Variants in PTK2 observed in about 807,000 individuals in gnomAD.
The protein encoded by PTK2 is protein tyrosine kinase 2.
Under a neutral mutation model 150.1 loss-of-function variants are expected in PTK2, and 45 were observed. The ratio of observed to expected loss-of-function variants is 0.30; its 90% CI spans 0.24 to 0.38. The LOEUF (loss-of-function observed/expected upper bound fraction) is 0.38. Among genes scored for constraint, PTK2 ranks in the 10% least tolerant of loss-of-function variants. The pLI is 1.00. For missense variants in PTK2, 919 were observed against 1,307.3 expected (o/e 0.70, Z 4.58); for synonymous variants, 432 against 449.2 (o/e 0.96, Z 0.48).
intron 15 of PTK2, among the ~76,000 whole-genome samples, chr8:140,763,840 CGT>C (rs937090331): frequency 6.6e-6 from 1 of 151,826 alleles, no homozygotes; most frequent in African/African-American, 2.4e-5. Context: ...TATGGGTATA[CGT>C]GTGTGTATGT....
intron 2 of PTK2, among the ~76,000 whole-genome samples, chr8:140,893,581 CA>C (rs1030025589): frequency 3.3e-5 from 5 of 152,066 alleles, no homozygotes; most frequent in African/African-American, 1.2e-4. Flanking sequence ...AAGGAATATG[CA>C]AATCTATACA....
exon 7 of PTK2, chr8:140,846,264 A>C: frequency 6.2e-7 from 1 of 1,609,256 alleles, no homozygotes; most frequent in Non-Finnish European, 8.5e-7. Context: ...ACTTACTCTA[A>C]TACTTCATAG....
At chr8:140,850,002 A>G (rs1401534338) in intron 5 of PTK2, among the ~76,000 whole-genome samples, 2 of 152,096 alleles carry the variant, frequency 1.3e-5, no homozygotes, top group African/African-American at 4.8e-5. Flanking sequence ...ATAGATTCAT[A>G]TGCATCTCCT....
chr8:140,964,988 A>C (rs2100184733), intron 1 of PTK2, among the ~76,000 whole-genome samples: 1 of 152,218 alleles, frequency 6.6e-6, no homozygotes, highest in South Asian at 2.1e-4. Context: ...TGGTCCTGCT[A>C]TCATGAACGG....
intron 14 of PTK2, among the ~76,000 whole-genome samples, chr8:140,787,990 C>G (rs1416947067): frequency 6.6e-6 from 1 of 152,168 alleles, no homozygotes; most frequent in Non-Finnish European, 1.5e-5. Flanking sequence ...CTTTCTCTCT[C>G]CAACTAGATT....
At chr8:140,951,690 T>C (rs1347524659) in intron 1 of PTK2, among the ~76,000 whole-genome samples, 3 of 152,096 alleles carry the variant, frequency 2.0e-5, no homozygotes, top group African/African-American at 7.2e-5. Context: ...TGAGACCAGC[T>C]TGGGAAACAA....
chr8:140,769,648 C>T (rs2100074450), intron 14 of PTK2, 56 bp from the exon 16 acceptor site: 1 of 1,217,732 alleles, frequency 8.2e-7, no homozygotes, highest in Non-Finnish European at 1.1e-6. Context: ...GGGAGGGAGA[C>T]ATAGGAAGGA....
At chr8:140,720,770 T>G (rs2100042453) in intron 22 of PTK2, among the ~76,000 whole-genome samples, 2 of 151,864 alleles carry the variant, frequency 1.3e-5, no homozygotes. Context: ...TTTCTTGTTT[T>G]TGGGGCGGAG....
chr8:140,713,424 A>T lies in PTK2; in HGVS notation c.2142+4174T>A, dbSNP rs116819863. ...TACAAGTGCAGGCACCAACTTGCTT[A>T]GCTAATTTTTGTATTTTTAGTTGAA... On this transcript the variant is annotated intron_variant, in intron 23 of 31. Coordinates refer to ENST00000522684, the Ensembl canonical transcript of PTK2. Among the ~76,000 whole-genome samples the T allele has an allele frequency of 4.5e-3, 680 of 152,262 alleles. 4 individuals carry two copies. Among genetic ancestry groups the T allele is most frequent in the African/African-American group, 0.016 (645 of 41,554 alleles).
intron 22 of PTK2, among the ~76,000 whole-genome samples, chr8:140,727,426 C>T (rs2100046504): frequency 1.3e-5 from 2 of 150,242 alleles, no homozygotes; most frequent in Non-Finnish European, 2.9e-5. Flanking sequence ...TTTAACTGTA[C>T]GTAGCTATAA....
In PTK2 at chr8:140,743,670, A is replaced by G. The variant is rs900060798; in HGVS notation, c.1635-340T>C. ...TGACAGTGATATACAACTGGGGCCTATAACACTGCCATTACTAAAGAGATA... is the reference window on the plus strand; with the variant it reads ...TGACAGTGATATACAACTGGGGCCTGTAACACTGCCATTACTAAAGAGATA... On this transcript the variant is annotated intron_variant, in intron 19 of 31. Coordinates refer to ENST00000522684, the Ensembl canonical transcript of PTK2. 5.3e-5 allele frequency among the ~76,000 whole-genome samples: 8 copies of G among 152,318 alleles called. No homozygotes were observed. In the East Asian group the frequency reaches 1.3e-3, roughly 26 times the overall value.
intron 27 of PTK2, among the ~76,000 whole-genome samples, chr8:140,683,571 C>T (rs2100018202): frequency 6.6e-6 from 1 of 152,092 alleles, no homozygotes; most frequent in African/African-American, 2.4e-5. Flanking sequence ...AGGCCAATAT[C>T]CCTGATGAAC....
intron 14 of PTK2, among the ~76,000 whole-genome samples, chr8:140,767,456 A>G (rs533464777): frequency 6.6e-6 from 1 of 152,080 alleles, no homozygotes; most frequent in South Asian, 2.1e-4. Context: ...TGAGTTTCAT[A>G]TGTATGGTAA....
intron 3 of PTK2, among the ~76,000 whole-genome samples, chr8:140,883,765 G>A (rs1237290658): frequency 6.6e-6 from 1 of 151,922 alleles, no homozygotes; most frequent in Non-Finnish European, 1.5e-5. Flanking sequence ...TTTTATCTTG[G>A]TGGTCCACAG....
At chr8:140,738,679 C>T (rs778337388) in intron 21 of PTK2, among the ~76,000 whole-genome samples, 27 of 151,494 alleles carry the variant, frequency 1.8e-4, no homozygotes, top group Non-Finnish European at 2.9e-4. Flanking sequence ...ATGAAAGGAA[C>T]GAATGAGATG....
At chr8:140,664,893 T>C (rs2087985265) in intron 31 of PTK2, 24 bp downstream of exon 35, 1 of 1,607,312 alleles carries the variant, frequency 6.2e-7, no homozygotes, top group Non-Finnish European at 8.5e-7. Flanking sequence ...CACAGAGGGC[T>C]GCAAGGGGAA....
chr8:140,738,833 C>T (rs2100054028), intron 21 of PTK2, among the ~76,000 whole-genome samples, 185 bp downstream of exon 24: 1 of 152,024 alleles, frequency 6.6e-6, no homozygotes, highest in South Asian at 2.1e-4. Context: ...GAAGCTGTGC[C>T]CAGAAGCTGA....
intron 2 of PTK2, among the ~76,000 whole-genome samples, chr8:140,896,014 TGAA>T (rs1431492716): frequency 4.0e-5 from 6 of 151,860 alleles, no homozygotes; most frequent in Admixed American, 3.3e-4. Flanking sequence ...ACATCAAAAA[TGAA>T]GAAGAGAATA....
chr8:140,991,679 A>T (rs1325836703), intron 1 of PTK2, among the ~76,000 whole-genome samples: 2 of 152,194 alleles, frequency 1.3e-5, no homozygotes, highest in Non-Finnish European at 2.9e-5. Context: ...GTTCACAAAC[A>T]TTAGCATGCA....
Sources: allele counts gnomAD v4.1 joint callset (sites outside exome capture counted in the v4.1 genomes callset), GRCh38; gene constraint gnomAD v4.1.1; transcripts MANE v1.5; gene names NCBI Gene and HGNC (gene_info 2026-07-23, HGNC 2026-07-21).